STPG2: variants seen among roughly 807,000 people sequenced by gnomAD.
STPG2 encodes the protein sperm-tail PG-rich repeat-containing protein 2.
Under a neutral mutation model 54.2 loss-of-function variants are expected in STPG2, and 56 were observed. That is an observed-to-expected ratio of 1.03 (90% confidence interval 0.83 to 1.29). STPG2 has a LOEUF of 1.29. Ranked by LOEUF, STPG2 falls within the 50% of genes most tolerant of loss-of-function variation. The pLI, the probability that STPG2 is intolerant of heterozygous loss-of-function variation, is 0.00. For synonymous variants in STPG2, 200 were observed against 181.8 expected (o/e 1.10, Z -0.81); for missense variants, 596 against 544.9 (o/e 1.09, Z -0.93).
chr4:97,703,381 A>G (rs1723836073), intron 10 of STPG2, among the ~76,000 whole-genome samples: 1 of 146,320 alleles, frequency 6.8e-6, no homozygotes, highest in Admixed American at 7.0e-5. Context: ...AGAGGGTCAG[A>G]ACTAATAGGA....
At chr4:97,977,074 C>CT (rs1294397016) in intron 6 of STPG2, among the ~76,000 whole-genome samples, 2 of 152,102 alleles carry the variant, frequency 1.3e-5, no homozygotes, top group Admixed American at 1.3e-4. Flanking sequence ...ATAGATTGAC[C>CT]TTTTCTTTAT....
At chr4:98,075,525 G>T (rs1257414040) in intron 5 of STPG2, among the ~76,000 whole-genome samples, 1 of 152,172 alleles carries the variant, frequency 6.6e-6, no homozygotes, top group Non-Finnish European at 1.5e-5. Context: ...TAACATCAAT[G>T]CATGTCCCCT....
At chr4:97,453,320 C>T (rs936719960) in intron 4 of STPG2, among the ~76,000 whole-genome samples, 1 of 152,214 alleles carries the variant, frequency 6.6e-6, no homozygotes, top group Non-Finnish European at 1.5e-5. Flanking sequence ...GTATGTCTGA[C>T]TGTGCAGTAT....
intron 10 of STPG2, among the ~76,000 whole-genome samples, chr4:97,611,120 A>T (rs1286066565): frequency 6.6e-6 from 1 of 152,014 alleles, no homozygotes; most frequent in African/African-American, 2.4e-5. Context: ...TTTATCACAT[A>T]AGAATTTCAA....
intron 10 of STPG2, among the ~76,000 whole-genome samples, chr4:97,602,897 A>G (rs1244094592): frequency 6.6e-6 from 1 of 151,760 alleles, no homozygotes; most frequent in Non-Finnish European, 1.5e-5. Context: ...AAAACAAAAT[A>G]GAAATACATA....
chr4:97,786,403 G>C (rs575831700), intron 9 of STPG2, among the ~76,000 whole-genome samples: 3 of 151,880 alleles, frequency 2.0e-5, no homozygotes, highest in African/African-American at 7.2e-5. Flanking sequence ...CTAAAGAGTC[G>C]ACATTTTTGA....
chr4:97,581,426 C>G (rs943243998), intron 10 of STPG2, among the ~76,000 whole-genome samples: 2 of 152,084 alleles, frequency 1.3e-5, no homozygotes, highest in Non-Finnish European at 2.9e-5. Context: ...TGGCCTAACT[C>G]TGTAGCTACG....
intron 10 of STPG2, among the ~76,000 whole-genome samples, chr4:97,566,210 G>T (rs1314474763): frequency 6.6e-6 from 1 of 152,186 alleles, no homozygotes; most frequent in South Asian, 2.1e-4. Flanking sequence ...AGCAATCAGT[G>T]ATACTCCATG....
chr4:97,487,303 C>T (rs949592989), intron 4 of STPG2, among the ~76,000 whole-genome samples: 3 of 151,018 alleles, frequency 2.0e-5, no homozygotes, highest in East Asian at 2.0e-4. Flanking sequence ...GTGGCTGTTA[C>T]AGGTAAGGAG....
chr4:97,571,586 T>A (rs6814705), intron 10 of STPG2, among the ~76,000 whole-genome samples: 10,336 of 152,222 alleles, frequency 0.068, 980 homozygotes, highest in African/African-American at 0.21. Flanking sequence ...GGTCTTTGGA[T>A]AAACTCAACC....
intron 4 of STPG2, among the ~76,000 whole-genome samples, chr4:97,532,637 G>T (rs1016817522): frequency 3.9e-5 from 6 of 152,150 alleles, no homozygotes; most frequent in African/African-American, 1.4e-4. Context: ...TGGCGGTTCA[G>T]GAGGAAAATG....
At chr4:97,634,694 C>T (rs1721443135) in intron 10 of STPG2, among the ~76,000 whole-genome samples, 3 of 151,934 alleles carry the variant, frequency 2.0e-5, no homozygotes, top group Non-Finnish European at 4.4e-5. Context: ...GTGAAGAATG[C>T]AGAAGCCTCA....
intron 4 of STPG2, among the ~76,000 whole-genome samples, chr4:97,542,379 C>A (rs1476454308): frequency 6.6e-6 from 1 of 152,194 alleles, no homozygotes; most frequent in African/African-American, 2.4e-5. Flanking sequence ...TGCTCATCAT[C>A]ACTGGCCATC....
chr4:97,903,404 A>C (rs1157549352), intron 8 of STPG2, among the ~76,000 whole-genome samples: 1 of 152,136 alleles, frequency 6.6e-6, no homozygotes, highest in Non-Finnish European at 1.5e-5. Flanking sequence ...TTAAAATTAA[A>C]AAATGGCCAA....
intron 9 of STPG2, among the ~76,000 whole-genome samples, chr4:97,714,122 T>C (rs924906859): frequency 6.6e-6 from 1 of 152,090 alleles, no homozygotes; most frequent in African/African-American, 2.4e-5. Context: ...GAAGAGTAGA[T>C]ATAATGATAT....
intron 4 of STPG2, among the ~76,000 whole-genome samples, chr4:97,459,496 G>A (rs1729609068): frequency 6.8e-6 from 1 of 146,418 alleles, no homozygotes; most frequent in Non-Finnish European, 1.5e-5. Context: ...CTGGAGTGCA[G>A]TGGCGTGATC....
chr4:97,547,403 G>A (rs570518639), intron 4 of STPG2, among the ~76,000 whole-genome samples: 2 of 152,084 alleles, frequency 1.3e-5, no homozygotes, highest in African/African-American at 2.4e-5. Flanking sequence ...GTAGAGACGG[G>A]GTTTCACCGT....
At chr4:97,811,185 G>T (rs145510339) in intron 9 of STPG2, among the ~76,000 whole-genome samples, 2 of 151,694 alleles carry the variant, frequency 1.3e-5, no homozygotes, top group African/African-American at 2.4e-5. Context: ...CAATTTAGGC[G>T]GTTAGTTTAC....
chr4:97,636,636 G>A (rs1465114318), intron 10 of STPG2, among the ~76,000 whole-genome samples: 3 of 151,750 alleles, frequency 2.0e-5, no homozygotes, highest in Admixed American at 2.0e-4. Flanking sequence ...TCAAATAGAT[G>A]CAATAAAAAA....
Sources: gnomAD v4.1 joint callset for allele counts (sites outside exome capture counted in the v4.1 genomes callset) on GRCh38, gnomAD v4.1.1 for gene constraint, MANE v1.5 for transcripts, NCBI Gene and HGNC (gene_info 2026-07-23, HGNC 2026-07-21) for gene names.